The following SEZ6L variants were observed in gnomAD, a reference collection of about 807,000 sequenced individuals.
The protein encoded by SEZ6L is seizure related 6 homolog like, also known as seizure 6-like protein.
A neutral mutation model predicts 106.2 loss-of-function variants in SEZ6L; 37 were observed. That is an observed-to-expected ratio of 0.35 (90% confidence interval 0.27 to 0.46). The LOEUF (loss-of-function observed/expected upper bound fraction) is 0.46. Ranked by LOEUF, SEZ6L falls within the 20% of genes least tolerant of loss-of-function variation. SEZ6L has a pLI of 1.00. For synonymous variants in SEZ6L, 541 were observed against 570.4 expected (o/e 0.95, Z 0.73); for missense variants, 1,172 against 1,332.8 (o/e 0.88, Z 1.88).
chr22:26,187,157 A>C (rs1939837770), intron 1 of SEZ6L, among the ~76,000 whole-genome samples: 1 of 152,234 alleles, frequency 6.6e-6, no homozygotes. Context: ...ACAGTTCTGC[A>C]TGGCTGGGAA....
At chr22:26,378,070 C>T (rs1385737256) in intron 16 of SEZ6L, among the ~76,000 whole-genome samples, 1 of 152,066 alleles carries the variant, frequency 6.6e-6, no homozygotes, top group Non-Finnish European at 1.5e-5. Context: ...CTGGTGGCAA[C>T]GTGCTGCATT....
intron 5 of SEZ6L, among the ~76,000 whole-genome samples, chr22:26,301,937 T>C (rs1320910804): frequency 6.6e-6 from 1 of 152,108 alleles, no homozygotes; most frequent in Non-Finnish European, 1.5e-5. Context: ...GTGGACTAGG[T>C]AGGAGATATC....
intron 1 of SEZ6L, among the ~76,000 whole-genome samples, chr22:26,255,661 AAG>A (rs2079788841): frequency 1.3e-5 from 2 of 152,192 alleles, no homozygotes; most frequent in Admixed American, 1.3e-4. Flanking sequence ...TTGCTGGGGA[AAG>A]AGTCTTGGGG....
Position 26,373,202 on chromosome 22 carries a change from GT to G in SEZ6L, c.2795-248del, listed in dbSNP as rs34168775. ...TGGCACAATTTTGGACACGCGGTGA[GT>G]GTTCAGTAATTATTCACTATCACTG... On this transcript the variant is annotated intron_variant, in intron 13 of 16. Transcript: ENST00000248933. Among the ~76,000 whole-genome samples, 301 of 152,318 alleles carry G rather than the reference GT, an allele frequency of 2.0e-3. 6 individuals are homozygous for G. In the East Asian group the frequency reaches 0.045, roughly 23 times the overall value.
chr22:26,233,652 A>AG (rs2078868784), intron 1 of SEZ6L, among the ~76,000 whole-genome samples: 6 of 152,312 alleles, frequency 3.9e-5, no homozygotes, highest in Non-Finnish European at 7.4e-5. Context: ...CCCTCATTCT[A>AG]CATGTATTTA....
At chr22:26,254,516 G>A (rs745438480) in intron 1 of SEZ6L, among the ~76,000 whole-genome samples, 1 of 152,094 alleles carries the variant, frequency 6.6e-6, no homozygotes, top group Non-Finnish European at 1.5e-5. Context: ...ACTTTGGGAG[G>A]CCACGGCGGG....
intron 9 of SEZ6L, among the ~76,000 whole-genome samples, chr22:26,326,853 C>T (rs912338024): frequency 9.9e-5 from 15 of 152,192 alleles, no homozygotes; most frequent in Admixed American, 2.6e-4. Flanking sequence ...CTGTGATGGC[C>T]GAGGCCTGGG....
chr22:26,222,351 G>T (rs2078502701), intron 1 of SEZ6L, among the ~76,000 whole-genome samples: 2 of 152,170 alleles, frequency 1.3e-5, no homozygotes, highest in Non-Finnish European at 2.9e-5. Context: ...CTTATGCAAG[G>T]TCACACTGCA....
chr22:26,213,891 A>T (rs1192349661), intron 1 of SEZ6L, among the ~76,000 whole-genome samples: 2 of 152,230 alleles, frequency 1.3e-5, no homozygotes, highest in African/African-American at 4.8e-5. Flanking sequence ...ACTGCTCTCC[A>T]GTTTGAGCAA....
chr22:26,308,952 T>C (rs913884409), intron 6 of SEZ6L, among the ~76,000 whole-genome samples: 5 of 152,220 alleles, frequency 3.3e-5, no homozygotes, highest in African/African-American at 1.2e-4. Context: ...ACTATGTAGA[T>C]GCCCCTTCCC....
At chr22:26,258,141 G>T (rs1160606072) in intron 1 of SEZ6L, among the ~76,000 whole-genome samples, 1 of 152,162 alleles carries the variant, frequency 6.6e-6, no homozygotes, top group Non-Finnish European at 1.5e-5. Flanking sequence ...CTATGGAGGA[G>T]AGACCAGAGG....
intron 1 of SEZ6L, among the ~76,000 whole-genome samples, chr22:26,282,855 G>A (rs974062461): frequency 2.0e-5 from 3 of 152,144 alleles, no homozygotes; most frequent in Non-Finnish European, 4.4e-5. Context: ...TTATTCTGAA[G>A]GTGATTTTTT....
At chr22:26,224,446 C>A (rs79427317) in intron 1 of SEZ6L, among the ~76,000 whole-genome samples, 3,618 of 152,114 alleles carry the variant, frequency 0.024, 150 homozygotes, top group African/African-American at 0.083. Flanking sequence ...TCATCTAGTG[C>A]CCTTAAGCCC....
At chr22:26,313,933 T>C in intron 9 of SEZ6L, 31 bp downstream of exon 9, 1 of 1,573,336 alleles carries the variant, frequency 6.4e-7, no homozygotes, top group Non-Finnish European at 8.7e-7. Flanking sequence ...GCCCTCTAAT[T>C]TGGCAAAATT....
chr22:26,216,713 G>A (rs971045016), intron 1 of SEZ6L, among the ~76,000 whole-genome samples: 18 of 152,114 alleles, frequency 1.2e-4, no homozygotes, highest in African/African-American at 4.3e-4. Context: ...GCAGGTAAAA[G>A]TAGTGTCCTT....
At chr22:26,354,598 C>A (rs1025782431) in intron 12 of SEZ6L, among the ~76,000 whole-genome samples, 2 of 152,162 alleles carry the variant, frequency 1.3e-5, no homozygotes, top group Admixed American at 6.5e-5. Flanking sequence ...TTAGTAACTC[C>A]AGCTGCAGAG....
intron 1 of SEZ6L, among the ~76,000 whole-genome samples, chr22:26,221,542 C>T (rs74598867): frequency 0.014 from 2,068 of 152,194 alleles, 43 homozygotes; most frequent in African/African-American, 0.047. Flanking sequence ...AGACTTACAC[C>T]CTGAGAAAGT....
chr22:26,190,930 C>T (rs1439553278), intron 1 of SEZ6L, among the ~76,000 whole-genome samples: 1 of 152,172 alleles, frequency 6.6e-6, no homozygotes, highest in Admixed American at 6.5e-5. Flanking sequence ...TTCTCTCCAG[C>T]AGGGTTAACA....
At chr22:26,307,670 ATCAGATTCCCTATCCTTTCT>A (rs1003780812) in intron 6 of SEZ6L, among the ~76,000 whole-genome samples, 25 of 150,924 alleles carry the variant, frequency 1.7e-4, no homozygotes, top group African/African-American at 5.8e-4. Flanking sequence ...TTCTTTAAAA[ATCAGATTCCCTATCCTTTCT>A]TCTGGAGACT....
Sources: allele counts gnomAD v4.1 joint callset (sites outside exome capture counted in the v4.1 genomes callset), GRCh38; gene constraint gnomAD v4.1.1; transcripts MANE v1.5; gene names NCBI Gene and HGNC (gene_info 2026-07-23, HGNC 2026-07-21).